The following ERCC8 variants were observed in gnomAD, a reference collection of about 807,000 sequenced individuals.
The protein encoded by ERCC8 is ERCC excision repair 8, CSA ubiquitin ligase complex subunit, also known as DNA excision repair protein ERCC-8.
In ERCC8, 52 loss-of-function variants were observed where a neutral mutation model predicts 54.9. The observed-to-expected ratio is 0.95, with a 90% CI of 0.76 to 1.19. The LOEUF (loss-of-function observed/expected upper bound fraction) is 1.19. Ranked by LOEUF, ERCC8 falls within the 50% of genes most tolerant of loss-of-function variation. The probability of loss-of-function intolerance (pLI) is 0.00; values close to 1 mark genes in which losing one functional copy is unlikely to be tolerated. For synonymous variants in ERCC8, 146 were observed against 157.2 expected (o/e 0.93, Z 0.53); for missense variants, 514 against 466.1 (o/e 1.10, Z -0.95).
chr5:60,937,339 G>A (rs1044469052), intron 1 of ERCC8, among the ~76,000 whole-genome samples: 4 of 152,194 alleles, frequency 2.6e-5, no homozygotes, highest in Non-Finnish European at 4.4e-5. Flanking sequence ...GTTAGGTGGT[G>A]GGCAGGCCGA....
chr5:60,918,456 GA>G, intron 3 of ERCC8, 68 bp from the exon 4 acceptor site: 1 of 1,373,302 alleles, frequency 7.3e-7, no homozygotes, highest in Non-Finnish European at 1.0e-6. Flanking sequence ...ACTATATTAA[GA>G]ACAAGTAGTA....
At chr5:60,881,609 C>G (rs1409246581) in intron 11 of ERCC8, among the ~76,000 whole-genome samples, 2 of 152,222 alleles carry the variant, frequency 1.3e-5, no homozygotes, top group African/African-American at 2.4e-5. Flanking sequence ...TGATCTCAGA[C>G]TGCTGTGCTA....
chr5:60,944,149 TTC>T (rs750602829), intron 1 of ERCC8, among the ~76,000 whole-genome samples: 2 of 152,190 alleles, frequency 1.3e-5, no homozygotes, highest in Non-Finnish European at 2.9e-5. Context: ...TTATTCATTC[TTC>T]TCTTTTTGTC....
intron 8 of ERCC8, among the ~76,000 whole-genome samples, chr5:60,899,214 G>A (rs1748804329): frequency 1.3e-5 from 2 of 151,788 alleles, no homozygotes; most frequent in South Asian, 2.1e-4. Flanking sequence ...TGCAGTTTAG[G>A]TACTTTGTCA....
In ERCC8 at chr5:60,874,680, T is replaced by A; in HGVS notation, c.1126A>T (p.Thr376Ser). 6.2e-7 allele frequency: 1 copy of A among 1,601,506 alleles called. No homozygotes were observed. The highest frequency in any genetic ancestry group is 8.5e-7 in the Non-Finnish European group (1 of 1,176,456). The change falls in exon 12 of 12, where the codon ACA becomes TCA. Residue 376 changes from threonine (T) to serine (S), a missense_variant. Transcript: ENST00000676185. ...YEPVPDDDET[T>S]TKSQLNPAFE... ...GCCGGATTTAATTGTGATTTTGTTGTAGTCTAAAAAAAAAAAAGATAAAGA... is the reference window on the plus strand; with the variant it reads ...GCCGGATTTAATTGTGATTTTGTTGAAGTCTAAAAAAAAAAAAGATAAAGA...
intron 1 of ERCC8, among the ~76,000 whole-genome samples, chr5:60,933,916 A>ATGGC (rs1749986035): frequency 6.6e-6 from 1 of 151,852 alleles, no homozygotes; most frequent in South Asian, 2.1e-4. Flanking sequence ...ATTCCTTTTT[A>ATGGC]TGGCTGAGTA....
rs1747793382 is a variant in ERCC8, at chr5:60,868,226, A to G, written c.*6389T>C. 6.6e-6 allele frequency among the ~76,000 whole-genome samples: 1 copy of G among 152,218 alleles called. No individual in the cohort carries two copies. Among genetic ancestry groups the G allele is most frequent in the Admixed American group, 6.5e-5 (1 of 15,282 alleles). ...TAACAAACTGTCAAGGCATAAAAACACGAGCAGCTTAATGAACTTAGTCTT... is the reference window on the plus strand; with the variant it reads ...TAACAAACTGTCAAGGCATAAAAACGCGAGCAGCTTAATGAACTTAGTCTT... On this transcript the variant is annotated 3_prime_UTR_variant, in exon 12 of 12. Transcript: ENST00000676185.
chr5:60,889,991 C>T (rs1280197491), intron 10 of ERCC8, among the ~76,000 whole-genome samples: 1 of 152,022 alleles, frequency 6.6e-6, no homozygotes, highest in Non-Finnish European at 1.5e-5. Context: ...AGGGAAGGGG[C>T]TGAGGCTGGA....
At position 60,887,529 on chromosome 5, in the gene ERCC8, T is replaced by C. The variant is rs759739190; in HGVS notation, c.1042-9A>G. On this transcript the variant is annotated splice_polypyrimidine_tract_variant and intron_variant, in intron 10 of 11. Coordinates refer to ENST00000676185, the MANE Select transcript of ERCC8 (RefSeq NM_000082.4). ...CTACCACTATAAAGTTCCTATAACA[T>C]AGAAGGCAAAGATGATACTGTGGAT... The C allele has an allele frequency of 1.2e-6, 2 of 1,607,036 alleles. No individual in the cohort carries two copies. The highest frequency in any genetic ancestry group is 1.7e-4 in the Middle Eastern group (1 of 6,050).
chr5:60,908,037 CTT>C (rs1157931123), intron 4 of ERCC8, among the ~76,000 whole-genome samples: 2 of 152,128 alleles, frequency 1.3e-5, no homozygotes, highest in Non-Finnish European at 2.9e-5. Context: ...TGATTTTCCT[CTT>C]TCTCTCCTTG....
chr5:60,927,783 GA>G (rs1274475664), intron 2 of ERCC8, among the ~76,000 whole-genome samples: 23 of 152,218 alleles, frequency 1.5e-4, no homozygotes, highest in Middle Eastern at 3.4e-3. Flanking sequence ...ACTGAGCCTG[GA>G]AAAGGTCAGG....
chr5:60,893,455 G>A (rs149670262), intron 9 of ERCC8: 6 of 962,522 alleles, frequency 6.2e-6, no homozygotes, highest in Non-Finnish European at 1.0e-5. Context: ...GATCATTGGA[G>A]TGAACAAACT....
At chr5:60,893,108 G>A in intron 9 of ERCC8, 1 of 775,730 alleles carries the variant, frequency 1.3e-6, no homozygotes, top group East Asian at 2.5e-5. Context: ...GCTTCTTGTT[G>A]CCTTCTGCCC....
Position 60,904,630 on chromosome 5 carries a change from GTGTGTATATATATATATATATA to G in ERCC8, c.481+140_481+161del, listed in dbSNP as rs1199360448. Among the ~76,000 whole-genome samples the G allele has an allele frequency of 1.1e-3, 48 of 44,580 alleles. 1 individual carries two copies. The highest frequency in any genetic ancestry group is 7.5e-3 in the East Asian group (5 of 666). 29.2% of individuals were successfully genotyped at this position (44,580 alleles called of 152,430 possible). On this transcript the variant is annotated intron_variant, in intron 5 of 11. Coordinates refer to ENST00000676185, the MANE Select transcript of ERCC8 (RefSeq NM_000082.4). ...TCTGTTGAATATATATAGTGTGTGT[GTGTGTATATATATATATATATA>G]TATATATATATATATATATATATAT...
chr5:60,878,751 T>C (rs1748102155), intron 11 of ERCC8, among the ~76,000 whole-genome samples: 1 of 152,226 alleles, frequency 6.6e-6, no homozygotes, highest in Non-Finnish European at 1.5e-5. Flanking sequence ...TATTTGATTC[T>C]GCTCTCTTTT....
chr5:60,906,762 CAAAT>C (rs1348221185), intron 4 of ERCC8, among the ~76,000 whole-genome samples: 1 of 146,406 alleles, frequency 6.8e-6, no homozygotes, highest in Non-Finnish European at 1.5e-5. Flanking sequence ...AATAAATAAA[CAAAT>C]ACATACATAA....
chr5:60,890,108 A>G (rs1422050121), intron 10 of ERCC8, among the ~76,000 whole-genome samples: 2 of 152,174 alleles, frequency 1.3e-5, no homozygotes, highest in East Asian at 3.9e-4. Context: ...ACTGGCTGAA[A>G]AATCAGGTCT....
intron 10 of ERCC8, among the ~76,000 whole-genome samples, chr5:60,888,194 A>G (rs1748451313): frequency 6.6e-6 from 1 of 152,232 alleles, no homozygotes; most frequent in East Asian, 1.9e-4. Context: ...TCTCAAAAAC[A>G]ATGTGAGGCA....
intron 1 of ERCC8, among the ~76,000 whole-genome samples, chr5:60,938,015 G>A (rs1229488705): frequency 2.1e-5 from 3 of 142,204 alleles, no homozygotes; most frequent in Admixed American, 7.2e-5. Flanking sequence ...ATGCGTGTGT[G>A]TGTGTGTGTA....
Sources: gnomAD v4.1 joint callset for allele counts (sites outside exome capture counted in the v4.1 genomes callset) on GRCh38, gnomAD v4.1.1 for gene constraint, MANE v1.5 for transcripts, NCBI Gene and HGNC (gene_info 2026-07-23, HGNC 2026-07-21) for gene names.